NSD1: variants seen among roughly 807,000 people sequenced by gnomAD.
NSD1 encodes histone-lysine N-methyltransferase, H3 lysine-36 specific.
A neutral mutation model predicts 242.7 loss-of-function variants in NSD1; 26 were observed. The observed-to-expected ratio is 0.11, with a 90% CI of 0.08 to 0.15. The LOEUF is 0.15. Among genes scored for constraint, NSD1 ranks in the 10% least tolerant of loss-of-function variants. The pLI, the probability that NSD1 is intolerant of heterozygous loss-of-function variation, is 1.00. For missense variants in NSD1, 2,495 were observed against 3,272.8 expected, an observed-to-expected ratio of 0.76 and a Z score of 5.80; for synonymous variants, 1,106 against 1,178.1, an observed-to-expected ratio of 0.94 and a Z score of 1.25.
chr5:177,216,697 A>G (rs1206157941), intron 5 of NSD1, among the ~76,000 whole-genome samples: 3 of 110,900 alleles, frequency 2.7e-5, no homozygotes, highest in South Asian at 2.8e-4. Context: ...TTTAATTTTT[A>G]GTAAAATTGA....
intron 1 of NSD1, 46 bp from the exon 2 acceptor site, chr5:177,135,041 A>G (rs1487422082): frequency 1.3e-6 from 2 of 1,528,434 alleles, no homozygotes; most frequent in Non-Finnish European, 1.8e-6. Context: ...GAGTCGAGTC[A>G]GATGGCCTAT....
chr5:177,263,505 G>A (rs939195627), intron 14 of NSD1, among the ~76,000 whole-genome samples: 1 of 152,236 alleles, frequency 6.6e-6, no homozygotes, highest in East Asian at 1.9e-4. Context: ...TCACCTACTC[G>A]CAGTAAAAGC....
chr5:177,255,542 GAGAT>G (rs1183401958), intron 12 of NSD1, among the ~76,000 whole-genome samples: 1 of 152,072 alleles, frequency 6.6e-6, no homozygotes, highest in South Asian at 2.1e-4. Flanking sequence ...ATCTCACAGA[GAGAT>G]AGAGGTCTGT....
intron 5 of NSD1, among the ~76,000 whole-genome samples, chr5:177,234,248 A>G (rs1168247679): frequency 2.6e-5 from 4 of 152,214 alleles, no homozygotes; most frequent in Non-Finnish European, 4.4e-5. Context: ...TTTGTTCAAC[A>G]TGGTGATAGA....
chr5:177,158,936 GTGTATATATACACACATATA>G lies in NSD1; in HGVS notation c.927+22908_927+22927del, dbSNP rs1246852644. 8.4e-5 allele frequency among the ~76,000 whole-genome samples: 11 copies of G among 131,480 alleles called. 1 individual carries two copies. Among genetic ancestry groups the G allele is most frequent in the African/African-American group, 3.3e-4 (10 of 29,946 alleles). 86.3% of individuals were successfully genotyped at this position (131,480 alleles called of 152,430 possible). A position where few individuals can be genotyped will look rare whatever the true frequency, so the allele number is the denominator to read the frequency against. Reference sequence around the variant, plus strand: ...TTATATATAGTTTGTGTGTGTGTGTGTGTATATATACACACATATATATATACACACACATATATACACAC... The same window carrying G: ...TTATATATAGTTTGTGTGTGTGTGTGTATATACACACACATATATACACAC... On this transcript the variant is annotated intron_variant, in intron 2 of 22. Coordinates refer to ENST00000439151, the MANE Select transcript of NSD1 (RefSeq NM_022455.5).
intron 3 of NSD1, among the ~76,000 whole-genome samples, chr5:177,196,744 A>G (rs933099787): frequency 6.6e-6 from 1 of 152,240 alleles, no homozygotes; most frequent in Non-Finnish European, 1.5e-5. Flanking sequence ...GGAAGACATC[A>G]TTTGACATCT....
intron 17 of NSD1, among the ~76,000 whole-genome samples, chr5:177,274,727 GT>G (rs1321727140): frequency 2.0e-5 from 3 of 150,270 alleles, no homozygotes; most frequent in South Asian, 2.1e-4. Context: ...GTGTGTGTGT[GT>G]TGTTTTTTTG....
At chr5:177,279,941 C>A (rs1758722910) in intron 17 of NSD1, among the ~76,000 whole-genome samples, 1 of 148,092 alleles carries the variant, frequency 6.8e-6, no homozygotes, top group Non-Finnish European at 1.5e-5. Context: ...AAATGAATTT[C>A]AAAAAAATTT....
chr5:177,208,895 G>A (rs559063032), intron 4 of NSD1, among the ~76,000 whole-genome samples: 4 of 151,794 alleles, frequency 2.6e-5, no homozygotes, highest in African/African-American at 4.8e-5. Context: ...GGGGTTTGGC[G>A]ATGTTGGCCA....
Position 177,134,503 on chromosome 5 carries a change from C to G in NSD1, c.-18+551C>G, listed in dbSNP as rs989650101. Among the ~76,000 whole-genome samples the G allele has an allele frequency of 2.0e-5, 3 of 152,172 alleles. No homozygotes were observed. Among genetic ancestry groups the G allele is most frequent in the African/African-American group, 7.2e-5 (3 of 41,454 alleles). On this transcript the variant is annotated intron_variant, in intron 1 of 22. Transcript: ENST00000439151. This position sits in a 1 kb window ranked among gnomAD's most constrained non-coding sequence, Gnocchi z 4.2. ...TCCAGGCCTCTTCGCCCTGCAGCTG[C>G]GGATCCAGCAGGCCTGCATTCAGGA... is the stretch of plus-strand genomic sequence containing the variant.
chr5:177,257,644 A>C (rs971409037), intron 13 of NSD1, among the ~76,000 whole-genome samples: 1 of 152,114 alleles, frequency 6.6e-6, no homozygotes, highest in Non-Finnish European at 1.5e-5. Flanking sequence ...GGGCATAACG[A>C]ACTAGTTCAG....
At chr5:177,267,180 G>A (rs1419040956) in intron 14 of NSD1, among the ~76,000 whole-genome samples, 1 of 152,182 alleles carries the variant, frequency 6.6e-6, no homozygotes, top group Non-Finnish European at 1.5e-5. Flanking sequence ...GTTCTAAAAG[G>A]AGGGAAGGAA....
At chr5:177,143,713 C>T (rs1414804655) in intron 2 of NSD1, among the ~76,000 whole-genome samples, 3 of 152,026 alleles carry the variant, frequency 2.0e-5, no homozygotes, top group Non-Finnish European at 4.4e-5. Context: ...TCTCTAAGGC[C>T]CATTTCCTCA....
intron 12 of NSD1, among the ~76,000 whole-genome samples, chr5:177,253,952 GGTTTTT>G (rs1196336585): frequency 5.9e-5 from 9 of 151,884 alleles, no homozygotes; most frequent in South Asian, 4.2e-4. Flanking sequence ...TTCTTTTTTC[GGTTTTT>G]GTTTTTGTTT....
chr5:177,179,064 A>G (rs1396373476), intron 2 of NSD1, among the ~76,000 whole-genome samples: 1 of 152,232 alleles, frequency 6.6e-6, no homozygotes, highest in Admixed American at 6.5e-5. Flanking sequence ...AGTATGATCA[A>G]GTGCATGGAG....
chr5:177,197,363 C>T (rs2149828151), intron 3 of NSD1, among the ~76,000 whole-genome samples: 1 of 152,324 alleles, frequency 6.6e-6, no homozygotes, highest in African/African-American at 2.4e-5. Flanking sequence ...TGGCTCACGC[C>T]TATAATCCCA....
intron 2 of NSD1, among the ~76,000 whole-genome samples, chr5:177,186,710 T>A (rs944845723): frequency 6.6e-6 from 1 of 152,118 alleles, no homozygotes; most frequent in African/African-American, 2.4e-5. Flanking sequence ...GAATATAAGG[T>A]GGCCGTGGTG....
intron 2 of NSD1, among the ~76,000 whole-genome samples, chr5:177,159,557 T>G (rs1452990192): frequency 5.3e-5 from 8 of 151,586 alleles, no homozygotes; most frequent in South Asian, 4.2e-4. Context: ...GTGCTGAGAT[T>G]ACATGCATGA....
At chr5:177,217,147 CTATCTTTCCATTTATTTA>C (rs1763838707) in intron 5 of NSD1, among the ~76,000 whole-genome samples, 1 of 151,992 alleles carries the variant, frequency 6.6e-6, no homozygotes, top group African/African-American at 2.4e-5. Context: ...TGAAAACAGG[CTATCTTTCCATTTATTTA>C]TATCTTCCGT....
Sources: gnomAD v4.1 joint callset for allele counts (sites outside exome capture counted in the v4.1 genomes callset) on GRCh38, gnomAD v4.1.1 for gene constraint, Gnocchi (gnomAD v3.1) non-coding constraint, MANE v1.5 for transcripts, NCBI Gene and HGNC (gene_info 2026-07-23, HGNC 2026-07-21) for gene names.